Variants in ARR3 observed in about 807,000 individuals in gnomAD.
The protein encoded by ARR3 is arrestin 3.
In ARR3, 14 loss-of-function variants were observed where a neutral mutation model predicts 35.4. That is an observed-to-expected ratio of 0.40 (90% CI 0.26 to 0.62). ARR3 has a LOEUF of 0.62. Among genes scored for constraint, ARR3 ranks in the 20% least tolerant of loss-of-function variants. ARR3 has a pLI of 0.46. For missense variants in ARR3, 259 were observed against 303.8 expected, an observed-to-expected ratio of 0.85 and a Z score of 1.10; for synonymous variants, 97 against 119.1, an observed-to-expected ratio of 0.81 and a Z score of 1.21.
intron 3 of ARR3, 40 bp from the exon 4 acceptor site, chrX:70,269,803 A>G (rs1474104059): frequency 8.4e-6 from 10 of 1,197,521 alleles, no homozygotes; most frequent in Non-Finnish European, 1.1e-5. Flanking sequence ...TCCATTCAAA[A>G]ATGATTGTGA....
In ARR3 at chrX:70,278,618, T is replaced by C; in HGVS notation, c.882T>C (p.Asp294=). 5.8e-6 allele frequency: 7 copies of C among 1,211,592 alleles called. No homozygotes were observed. The highest frequency in any genetic ancestry group is 5.6e-6 in the Non-Finnish European group (5 of 895,360). Reference sequence around the variant, plus strand: ...TGGATGGCAAACTTAAGCATGAAGATACCAACCTGGCCTCTAGCACAATGT... The same window carrying C: ...TGGATGGCAAACTTAAGCATGAAGACACCAACCTGGCCTCTAGCACAATGT... ...LALDGKLKHE[D]TNLASSTIIR... Residue 294 remains aspartate (D), a synonymous_variant, in exon 12 of 17, where the codon GAT becomes GAC. Coordinates refer to ENST00000307959, the MANE Select transcript of ARR3 (RefSeq NM_004312.3).
intron 10 of ARR3, 115 bp from the exon 11 acceptor site, chrX:70,277,951 T>A (rs1383664103): frequency 4.7e-6 from 4 of 857,831 alleles, no homozygotes; most frequent in Non-Finnish European, 6.7e-6. Context: ...AATGAGCATG[T>A]CTCACTGCAT....
rs1358304713 is a variant in ARR3 at position 70,269,362 on chromosome X, C to T, written c.-24C>T. The stretch of plus-strand genomic sequence containing the variant: ...CTTCTTTCCCTTTTCCCAGAAAAGG[C>T]TCAACATCAACTATATAGCCAACAT... On this transcript the variant is annotated 5_prime_UTR_variant, in exon 2 of 17. Transcript: ENST00000307959. The T allele has an allele frequency of 2.4e-5, 29 of 1,206,121 alleles. No individual in the cohort carries two copies. Among genetic ancestry groups the T allele is most frequent in the Non-Finnish European group, 3.2e-5 (29 of 893,006 alleles).
chrX:70,274,434 C>T (rs901905544), intron 5 of ARR3, among the ~76,000 whole-genome samples: 7 of 111,631 alleles, frequency 6.3e-5, no homozygotes, highest in Non-Finnish European at 9.4e-5. Flanking sequence ...CTCCTGTCCT[C>T]AAGCGATCTG....
In ARR3 at chrX:70,276,109, G is replaced by A. The variant is rs145340975; in HGVS notation, c.173G>A (p.Arg58His). ...KLFVMLTCAF[R>H]YGRDDLEVIG... is the part of the protein sequence containing the mutation. ...TTTGTCATGTTGACATGTGCCTTTC[G>A]CTATGGCCGTGATGACTTGGAAGTG... is the stretch of plus-strand genomic sequence containing the variant. Residue 58 changes from arginine to histidine, a missense_variant, in exon 6 of 17, where the codon CGC (arginine) becomes CAC (histidine). Arg to His is a conservative substitution (Grantham distance 29). Transcript: ENST00000307959. 32 of 1,209,942 alleles carry A rather than the reference G, an allele frequency of 2.6e-5. No individual in the cohort carries two copies. Among genetic ancestry groups the A allele is most frequent in the South Asian group, 1.2e-4 (7 of 56,820 alleles).
downstream of ARR3, chrX:70,281,875 G>A (rs1248548890): frequency 6.1e-6 from 4 of 655,565 alleles, no homozygotes; most frequent in East Asian, 3.6e-5. Flanking sequence ...TCTTCCTGGA[G>A]GGTCACGGAA....
At chrX:70,280,989 A>T in intron 15 of ARR3, 110 bp from the exon 16 acceptor site, 2 of 661,221 alleles carry the variant, frequency 3.0e-6, no homozygotes, top group Non-Finnish European at 4.2e-6. Context: ...GCTGGAGCAA[A>T]GGATTGGGAA....
chrX:70,272,693 A>C (rs1360320440), intron 5 of ARR3, among the ~76,000 whole-genome samples: 1 of 111,807 alleles, frequency 8.9e-6, no homozygotes, highest in African/African-American at 3.3e-5. Context: ...TGCTTATACC[A>C]ATTAAATCTC....
chrX:70,277,363 C>T (rs774860979), intron 8 of ARR3, 31 bp from the exon 9 acceptor site: 45 of 1,196,723 alleles, frequency 3.8e-5, no homozygotes, highest in South Asian at 1.5e-4. Flanking sequence ...GAAAGGAGGA[C>T]GCTCTGGCTA....
At position 70,277,710 on chromosome X, in the gene ARR3, C is replaced by G. The variant is rs2085659924; in HGVS notation, c.610-6C>G. The G allele has an allele frequency of 4.1e-6, 5 of 1,208,225 alleles. No individual in the cohort carries two copies. Among genetic ancestry groups the G allele is most frequent in the Non-Finnish European group, 5.6e-6 (5 of 892,781 alleles). On this transcript the variant is annotated splice_polypyrimidine_tract_variant and splice_region_variant and intron_variant, in intron 9 of 16. Coordinates refer to ENST00000307959, the MANE Select transcript of ARR3 (RefSeq NM_004312.3). ...GCCTTGACATGGGTCCCCGCTCCTG[C>G]TTTAGGTTCACTACCACGGAGAACC...
chrX:70,273,149 C>G (rs2085636645), intron 5 of ARR3, among the ~76,000 whole-genome samples: 1 of 106,415 alleles, frequency 9.4e-6, no homozygotes, highest in African/African-American at 3.4e-5. Context: ...CCATTTCTGT[C>G]AATATCATCA....
At chrX:70,278,665 C>T in intron 12 of ARR3, 24 bp downstream of exon 12, 18 of 1,197,001 alleles carry the variant, frequency 1.5e-5, no homozygotes, top group Non-Finnish European at 2.0e-5. Context: ...TAACTCTCAG[C>T]CTCCATTTCC....
At chrX:70,276,612 A>G in intron 7 of ARR3, 57 bp from the exon 8 acceptor site, 2 of 1,179,796 alleles carry the variant, frequency 1.7e-6, no homozygotes, top group East Asian at 3.0e-5. Flanking sequence ...TTATAGGCCC[A>G]TGAGGAAGGG....
chrX:70,275,772 C>T (rs1163257807), intron 5 of ARR3, among the ~76,000 whole-genome samples: 2 of 102,991 alleles, frequency 1.9e-5, no homozygotes, highest in South Asian at 4.8e-4. Flanking sequence ...TGGGTTCACG[C>T]CATTCTCCTG....
intron 16 of ARR3, 144 bp downstream of exon 16, chrX:70,281,252 A>C: frequency 1.4e-6 from 1 of 731,047 alleles, no homozygotes; most frequent in East Asian, 3.5e-5. Context: ...TTCGTGTCAC[A>C]GTTCGGTGCT....
intron 2 of ARR3, 111 bp from the exon 3 acceptor site, chrX:70,269,551 G>A: frequency 1.9e-6 from 2 of 1,027,053 alleles, no homozygotes; most frequent in Non-Finnish European, 2.7e-6. Flanking sequence ...TGCTCCTGGA[G>A]CCTCTTCTCC....
At chrX:70,281,425 C>T (rs992862993) in intron 16 of ARR3, among the ~76,000 whole-genome samples, 2 of 110,386 alleles carry the variant, frequency 1.8e-5, no homozygotes, top group Non-Finnish European at 3.8e-5. Flanking sequence ...ACCTTCCCTC[C>T]TTCCCATCCC....
intron 5 of ARR3, among the ~76,000 whole-genome samples, chrX:70,273,050 G>A (rs1355814265): frequency 9.1e-6 from 1 of 109,818 alleles, no homozygotes; most frequent in African/African-American, 3.3e-5. Context: ...TTCCATTAGC[G>A]CATTTCAGAT....
At position 70,278,145 on chromosome X, in the gene ARR3, T is replaced by C; in HGVS notation, c.767+7T>C. The C allele has an allele frequency of 8.3e-7, 1 of 1,199,883 alleles. No homozygotes were observed. The highest frequency in any genetic ancestry group is 3.0e-5 in the East Asian group (1 of 33,642). ...TGTTCATTCAGGAATTCACGTGAGC[T>C]GGTGCTGGGGCTAGGACCAGAGAGC... On this transcript the variant is annotated splice_region_variant and intron_variant, in intron 11 of 16. Transcript: ENST00000307959.
Sources: gnomAD v4.1 joint callset for allele counts (sites outside exome capture counted in the v4.1 genomes callset) on GRCh38, gnomAD v4.1.1 for gene constraint, MANE v1.5 for transcripts, NCBI Gene and HGNC (gene_info 2026-07-23, HGNC 2026-07-21) for gene names.